CCDC141: variants seen among roughly 807,000 people sequenced by gnomAD.
CCDC141 encodes the protein coiled-coil domain containing 141.
Under a neutral mutation model 181.0 loss-of-function variants are expected in CCDC141, and 168 were observed. The observed-to-expected ratio is 0.93, with a 90% CI of 0.82 to 1.05. The LOEUF is 1.05. CCDC141 is among the 50% of genes least tolerant of loss of function. The pLI, the probability that CCDC141 is intolerant of heterozygous loss-of-function variation, is 0.00. For missense variants in CCDC141, 1,902 were observed against 1,788.5 expected (o/e 1.06, Z -1.14); for synonymous variants, 666 against 642.3 (o/e 1.04, Z -0.56).
chr2:178,854,403 A>G (rs1341568137), intron 19 of CCDC141, among the ~76,000 whole-genome samples: 1 of 152,140 alleles, frequency 6.6e-6, no homozygotes, highest in Non-Finnish European at 1.5e-5. Flanking sequence ...GGGCGCCTGT[A>G]GTCCCAGCTA....
chr2:178,839,793 A>C (rs1684648089), intron 22 of CCDC141, among the ~76,000 whole-genome samples: 1 of 152,076 alleles, frequency 6.6e-6, no homozygotes, highest in Non-Finnish European at 1.5e-5. Context: ...TAAAAAGAAT[A>C]TTAAATTACT....
intron 11 of CCDC141, among the ~76,000 whole-genome samples, chr2:178,882,200 C>A (rs1239231171): frequency 6.6e-6 from 1 of 151,898 alleles, no homozygotes; most frequent in East Asian, 1.9e-4. Flanking sequence ...GGAGAAACCC[C>A]TCTCTACTAA....
At chr2:178,943,113 G>A (rs1689587911) in intron 6 of CCDC141, among the ~76,000 whole-genome samples, 3 of 152,064 alleles carry the variant, frequency 2.0e-5, no homozygotes, top group African/African-American at 7.2e-5. Flanking sequence ...TGGTATTAAA[G>A]GAAGTAGCAT....
chr2:179,022,783 T>C (rs937321937), intron 2 of CCDC141, among the ~76,000 whole-genome samples: 5 of 152,146 alleles, frequency 3.3e-5, no homozygotes, highest in African/African-American at 4.8e-5. Context: ...ATTTTGTGTG[T>C]GTGTCCCTTC....
intron 4 of CCDC141, among the ~76,000 whole-genome samples, chr2:178,964,853 CCTA>C (rs1214682083): frequency 5.9e-5 from 9 of 152,146 alleles, no homozygotes; most frequent in African/African-American, 2.2e-4. Flanking sequence ...CATACGAAAT[CCTA>C]CTTACTGACA....
chr2:179,046,128 C>T (rs1269660734), intron 2 of CCDC141, among the ~76,000 whole-genome samples: 1 of 152,188 alleles, frequency 6.6e-6, no homozygotes, highest in Admixed American at 6.5e-5. Flanking sequence ...TATTAAAGTA[C>T]TAAAAATGCA....
chr2:179,031,778 G>A (rs1475628703), intron 2 of CCDC141, among the ~76,000 whole-genome samples: 1 of 152,006 alleles, frequency 6.6e-6, no homozygotes, highest in Non-Finnish European at 1.5e-5. Flanking sequence ...AAGTTTAATA[G>A]CCTATGGTAT....
At chr2:178,838,039 C>A (rs1420544436) in intron 22 of CCDC141, among the ~76,000 whole-genome samples, 1 of 152,242 alleles carries the variant, frequency 6.6e-6, no homozygotes, top group South Asian at 2.1e-4. Flanking sequence ...AGGGGTTGGA[C>A]TAGATCAACA....
At position 179,029,204 on chromosome 2, in the gene CCDC141, C is replaced by T. The variant is rs921072130; in HGVS notation, c.225+18080G>A. Among the ~76,000 whole-genome samples the T allele has an allele frequency of 2.6e-5, 4 of 152,198 alleles. No homozygotes were observed. In the South Asian group the frequency reaches 8.3e-4, roughly 32 times the overall value. ...TTGAGATCCAAATAAATACTTCCCT[C>T]TCTTGGGCTGATGACTATGAGCCAT... On this transcript the variant is annotated intron_variant, in intron 2 of 23. Coordinates refer to ENST00000443758, the MANE Select transcript of CCDC141 (RefSeq NM_173648.4).
chr2:178,931,391 A>G (rs1689090264), intron 6 of CCDC141, among the ~76,000 whole-genome samples: 1 of 152,214 alleles, frequency 6.6e-6, no homozygotes, highest in African/African-American at 2.4e-5. Context: ...TAGCAGCACT[A>G]TTAACACTAG....
intron 17 of CCDC141, 116 bp downstream of exon 17, chr2:178,865,651 T>G: frequency 1.0e-6 from 1 of 974,898 alleles, no homozygotes; most frequent in Non-Finnish European, 1.4e-6. Context: ...AGTCTCCTGA[T>G]TCATTGTGTG....
chr2:178,829,060 A>G (rs1398257343), downstream of CCDC141, among the ~76,000 whole-genome samples: 1 of 152,224 alleles, frequency 6.6e-6, no homozygotes, highest in Non-Finnish European at 1.5e-5. Context: ...GCAAGCAGCC[A>G]TGAGAATACA....
At position 178,837,396 on chromosome 2, in the gene CCDC141, C is replaced by T; in HGVS notation, c.3823G>A (p.Ala1275Thr). ...VLPPPVAFAD[A>T]CNDKRETFSS... ...AATGTTTCTCTCTTATCATTGCATG[C>T]ATCCGCAAAGGCAACAGGTGGTGGA... The change falls in exon 23 of 24, where the codon GCA becomes ACA. Residue 1275 changes from alanine to threonine, a missense_variant. Ala to Thr is a moderately conservative substitution (Grantham distance 58). Coordinates refer to ENST00000443758, the MANE Select transcript of CCDC141 (RefSeq NM_173648.4). 1 of 1,614,110 alleles carries T rather than the reference C, an allele frequency of 6.2e-7. No homozygotes were observed. Among genetic ancestry groups the T allele is most frequent in the East Asian group, 2.2e-5 (1 of 44,862 alleles).
chr2:178,815,707 A>ATC, the CCDC141 span, among the ~76,000 whole-genome samples: 2 of 152,226 alleles, frequency 1.3e-5, no homozygotes, highest in African/African-American at 4.8e-5. Flanking sequence ...TATGCTTTAA[A>ATC]TCATCTCTAG....
intron 2 of CCDC141, among the ~76,000 whole-genome samples, chr2:179,007,507 C>T (rs184890376): frequency 6.6e-6 from 1 of 152,154 alleles, no homozygotes; most frequent in Non-Finnish European, 1.5e-5. Context: ...TGAACAGAGT[C>T]AACTGTCAAT....
At chr2:178,906,494 C>T (rs1233668969) in intron 7 of CCDC141, among the ~76,000 whole-genome samples, 2 of 152,172 alleles carry the variant, frequency 1.3e-5, no homozygotes, top group Non-Finnish European at 2.9e-5. Context: ...ATCTGAATGG[C>T]ATGGGAGGTC....
intron 2 of CCDC141, among the ~76,000 whole-genome samples, chr2:178,982,747 G>T (rs777434348): frequency 1.3e-5 from 2 of 152,174 alleles, no homozygotes; most frequent in African/African-American, 4.8e-5. Context: ...CGAATACTGA[G>T]CTTTTCTGAC....
At chr2:178,890,944 G>C (rs1330026642) in intron 8 of CCDC141, among the ~76,000 whole-genome samples, 1 of 152,124 alleles carries the variant, frequency 6.6e-6, no homozygotes, top group East Asian at 1.9e-4. Context: ...ATAACTTTGT[G>C]AAGTGTCAGA....
intron 8 of CCDC141, among the ~76,000 whole-genome samples, chr2:178,904,831 G>A (rs1229734720): frequency 4.6e-5 from 7 of 152,090 alleles, no homozygotes; most frequent in Non-Finnish European, 2.9e-5. Flanking sequence ...AAAGCATGGG[G>A]TCTGGTGCCC....
Sources: gnomAD v4.1 joint callset for allele counts (sites outside exome capture counted in the v4.1 genomes callset) on GRCh38, gnomAD v4.1.1 for gene constraint, MANE v1.5 for transcripts, NCBI Gene and HGNC (gene_info 2026-07-23, HGNC 2026-07-21) for gene names.